The following COL13A1 variants were observed in gnomAD, a reference collection of about 807,000 sequenced individuals.
COL13A1 encodes the protein collagen alpha-1(XIII) chain.
Under a neutral mutation model 130.9 loss-of-function variants are expected in COL13A1, and 89 were observed. The ratio of observed to expected loss-of-function variants is 0.68; its 90% confidence interval spans 0.57 to 0.81. COL13A1 has a LOEUF of 0.81. Among genes scored for constraint, COL13A1 ranks in the 30% least tolerant of loss-of-function variants. COL13A1 has a pLI of 0.00. For missense variants in COL13A1, 879 were observed against 934.6 expected, an observed-to-expected ratio of 0.94 and a Z score of 0.78; for synonymous variants, 402 against 341.6, an observed-to-expected ratio of 1.18 and a Z score of -1.95.
chr10:69,889,327 A>AGGGAGGAGCACG (rs1564959641), intron 9 of COL13A1, 87 bp from the exon 10 acceptor site: 106 of 924,192 alleles, frequency 1.1e-4, no homozygotes, highest in Middle Eastern at 5.6e-4. Flanking sequence ...GGAGGAGCAC[A>AGGGAGGAGCACG]GGGGGCAGGG....
At chr10:69,890,924 A>T (rs2061109262) in intron 10 of COL13A1, among the ~76,000 whole-genome samples, 1 of 152,260 alleles carries the variant, frequency 6.6e-6, no homozygotes, top group African/African-American at 2.4e-5. Flanking sequence ...GTCCAAAACA[A>T]GATCGAAACA....
chr10:69,923,701 A>G (rs1407185842), intron 23 of COL13A1, 101 bp from the exon 24 acceptor site: 1 of 1,459,962 alleles, frequency 6.8e-7, no homozygotes, highest in Non-Finnish European at 9.4e-7. Flanking sequence ...AGAGAAGTCC[A>G]AGGCAACATC....
intron 1 of COL13A1, among the ~76,000 whole-genome samples, chr10:69,804,990 G>A (rs369171447): frequency 1.5e-4 from 23 of 152,202 alleles, no homozygotes; most frequent in African/African-American, 4.8e-4. Context: ...AGGCAAAAGC[G>A]GGCGAGTGTG....
chr10:69,846,014 C>A (rs1305179285), intron 2 of COL13A1, among the ~76,000 whole-genome samples: 1 of 152,262 alleles, frequency 6.6e-6, no homozygotes, highest in Non-Finnish European at 1.5e-5. Flanking sequence ...CAAGGCCTGG[C>A]GCAAGGCCAG....
intron 38 of COL13A1, among the ~76,000 whole-genome samples, chr10:69,947,734 G>C (rs576370814): frequency 1.3e-5 from 2 of 152,286 alleles, no homozygotes; most frequent in African/African-American, 4.8e-5. Flanking sequence ...CCAGGCCACT[G>C]GTGAGAGAGA....
chr10:69,806,747 C>T (rs2132109190), intron 1 of COL13A1, among the ~76,000 whole-genome samples: 1 of 152,348 alleles, frequency 6.6e-6, no homozygotes, highest in East Asian at 1.9e-4. Context: ...TGGCTCATGC[C>T]TGTAATCCCA....
At chr10:69,853,614 CTAGATGTA>C (rs757172555) in intron 2 of COL13A1, among the ~76,000 whole-genome samples, 11 of 152,076 alleles carry the variant, frequency 7.2e-5, no homozygotes, top group African/African-American at 2.4e-4. Context: ...AGGAAAACTG[CTAGATGTA>C]CAAAGATATT....
intron 2 of COL13A1, among the ~76,000 whole-genome samples, chr10:69,826,809 T>C (rs61849198): frequency 0.023 from 3,537 of 152,218 alleles, 64 homozygotes; most frequent in Non-Finnish European, 0.037. Context: ...GGCTCTGCCA[T>C]CTTCATCTTG....
chr10:69,930,419 G>C lies in COL13A1; in HGVS notation c.1550G>C (p.Gly517Ala), dbSNP rs1239349804. ...DGEKGPRGKP[G>A]DMGPPGPQGP... ...CTAAAGGGACCTCGCGGTAAACCAG[G>C]AGACATGGGCCCTCCTGGTCCCCAA... Residue 517 changes from glycine to alanine, a missense_variant, in exon 30 of 41, where the codon GGA (glycine) becomes GCA (alanine). Gly to Ala is a moderately conservative substitution (Grantham distance 60). Transcript: ENST00000645393. 5 of 1,609,522 alleles carry C rather than the reference G, an allele frequency of 3.1e-6. No individual in the cohort carries two copies. In the Admixed American group the frequency reaches 6.8e-5, roughly 22 times the overall value.
At chr10:69,934,804 C>A (rs991443859) in intron 31 of COL13A1, among the ~76,000 whole-genome samples, 1 of 152,246 alleles carries the variant, frequency 6.6e-6, no homozygotes, top group Non-Finnish European at 1.5e-5. Flanking sequence ...ACTTGAGGAG[C>A]AATCTCCAGG....
chr10:69,889,288 CA>C, intron 9 of COL13A1, 125 bp from the exon 10 acceptor site: 3 of 1,197,472 alleles, frequency 2.5e-6, no homozygotes, highest in East Asian at 2.6e-5. Context: ...AGATGGAGCA[CA>C]GGGGACAGGG....
At chr10:69,916,303 C>G (rs988761337) in intron 17 of COL13A1, among the ~76,000 whole-genome samples, 1 of 152,240 alleles carries the variant, frequency 6.6e-6, no homozygotes, top group African/African-American at 2.4e-5. Flanking sequence ...TGTTGCCCAT[C>G]CACAGCGCTG....
At position 69,958,851 on chromosome 10, in the gene COL13A1, T is replaced by G; in HGVS notation, c.*150T>G. 9.6e-7 allele frequency: 1 copy of G among 1,039,242 alleles called. No individual in the cohort carries two copies. The highest frequency in any genetic ancestry group is 1.4e-6 in the Non-Finnish European group (1 of 729,294). 64.4% of individuals were successfully genotyped at this position (1,039,242 alleles called of 1,614,324 possible). On this transcript the variant is annotated 3_prime_UTR_variant, in exon 41 of 41. Coordinates refer to ENST00000645393, the MANE Select transcript of COL13A1 (RefSeq NM_001368882.1). ...AAACCTGCATATTTTGTACAGAAAA[T>G]ATCAACCTCTTCCCTTTTGTTTACA...
Position 69,836,252 on chromosome 10 carries a change from G to A in COL13A1, c.364+13814G>A, listed in dbSNP as rs114294629. ...CTGCAGAGACCCAGGGCTCCGGTGGGGCTAGGCGGTGCCCAGTGTGGGCTA... is the reference window on the plus strand; with the variant it reads ...CTGCAGAGACCCAGGGCTCCGGTGGAGCTAGGCGGTGCCCAGTGTGGGCTA... On this transcript the variant is annotated intron_variant, in intron 2 of 40. Transcript: ENST00000645393. 4.3e-3 allele frequency among the ~76,000 whole-genome samples: 658 copies of A among 152,318 alleles called. 3 individuals carry two copies. The highest frequency in any genetic ancestry group is 0.015 in the African/African-American group (635 of 41,570).
Position 69,863,100 on chromosome 10 carries a change from G to A in COL13A1, c.365-4698G>A, listed in dbSNP as rs148149663. 3.3e-5 allele frequency among the ~76,000 whole-genome samples: 5 copies of A among 152,232 alleles called. No individual in the cohort carries two copies. The East Asian group carries it at 9.7e-4, about 29-fold the overall frequency. On this transcript the variant is annotated intron_variant, in intron 2 of 40. Coordinates refer to ENST00000645393, the MANE Select transcript of COL13A1 (RefSeq NM_001368882.1). ...CCCCGAGGCAGGTCTGGTGCCATTA[G>A]TCCAGCATGGGGTTTCTCATCCTTA...
chr10:69,946,316 G>A (rs2068525791), intron 37 of COL13A1, among the ~76,000 whole-genome samples: 1 of 152,190 alleles, frequency 6.6e-6, no homozygotes, highest in Admixed American at 6.5e-5. Context: ...AGCAATGTGT[G>A]CGCCATGGCC....
rs963891713 is a variant in COL13A1, at chr10:69,839,014, T to C, written c.364+16576T>C. On this transcript the variant is annotated intron_variant, in intron 2 of 40. Transcript: ENST00000645393. ...CATTTACACAATAATGGACAAGACC[T>C]GACCCTGTCTCTAGAAACCCATCCC... Among the ~76,000 whole-genome samples, 5 of 152,374 alleles carry C rather than the reference T, an allele frequency of 3.3e-5. 1 individual carries two copies. In the South Asian group the frequency reaches 1.0e-3, roughly 32 times the overall value.
At chr10:69,878,257 C>A (rs1366137176) in intron 6 of COL13A1, among the ~76,000 whole-genome samples, 192 bp downstream of exon 6, 3 of 152,218 alleles carry the variant, frequency 2.0e-5, no homozygotes, top group African/African-American at 7.2e-5. Flanking sequence ...TCTTGGGATT[C>A]CTGGGCGGCG....
At chr10:69,825,335 T>G (rs1054266189) in intron 2 of COL13A1, among the ~76,000 whole-genome samples, 5 of 152,236 alleles carry the variant, frequency 3.3e-5, no homozygotes, top group African/African-American at 1.2e-4. Context: ...TTAAGGCTCC[T>G]GATCCTTGCA....
Sources: gnomAD v4.1 joint callset for allele counts (sites outside exome capture counted in the v4.1 genomes callset) on GRCh38, gnomAD v4.1.1 for gene constraint, MANE v1.5 for transcripts, NCBI Gene and HGNC (gene_info 2026-07-23, HGNC 2026-07-21) for gene names.